Variants in PABIR3 observed in about 807,000 individuals in gnomAD.
PABIR3 encodes the protein PABIR family member 1.
A neutral mutation model predicts 23.1 loss-of-function variants in PABIR3; 20 were observed. That is an observed-to-expected ratio of 0.86 (90% CI 0.61 to 1.26). The LOEUF is 1.26. Among genes scored for constraint, PABIR3 ranks in the 50% most tolerant of loss-of-function variants. The pLI is 0.00. For missense variants in PABIR3, 189 were observed against 195.4 expected (o/e 0.97, Z 0.20); for synonymous variants, 69 against 68.5 (o/e 1.01, Z -0.04).
rs761765545 is a variant in PABIR3, at chrX:134,844,799, G to A, written c.247-406G>A. Among the ~76,000 whole-genome samples the A allele has an allele frequency of 3.6e-5, 4 of 112,208 alleles. No individual in the cohort carries two copies. The South Asian group carries it at 1.5e-3, about 41-fold the overall frequency. On this transcript the variant is annotated intron_variant, in intron 4 of 10. Coordinates refer to ENST00000645433, the MANE Select transcript of PABIR3 (RefSeq NM_001388447.1). ...CTGATAGACATTTAATTTGTTGTCT[G>A]TGTACTGTGAGTAATTTTTATTAAT... is the stretch of plus-strand genomic sequence containing the variant.
intron 3 of PABIR3, chrX:134,821,226 C>A: frequency 1.3e-6 from 1 of 749,116 alleles, no homozygotes; most frequent in African/African-American, 2.7e-5. Flanking sequence ...AATAAAGATG[C>A]GTATTTTCCA....
chrX:134,859,687 C>T (rs753638504), downstream of PABIR3, among the ~76,000 whole-genome samples: 1 of 112,165 alleles, frequency 8.9e-6, no homozygotes, highest in South Asian at 3.7e-4. Context: ...CACTAAAAAG[C>T]AGACTACCAG....
chrX:134,802,577 G>A (rs760167092), upstream of PABIR3, among the ~76,000 whole-genome samples: 4 of 112,414 alleles, frequency 3.6e-5, no homozygotes, highest in African/African-American at 1.3e-4. Context: ...CCTAATTTGG[G>A]AACGTCCAGA....
chrX:134,861,457 T>A, the PABIR3 span, among the ~76,000 whole-genome samples: 2 of 108,271 alleles, frequency 1.8e-5, no homozygotes, highest in Non-Finnish European at 3.8e-5. Flanking sequence ...ATTAGGTTGG[T>A]GCAAAAGTAG....
At chrX:134,830,867 A>G (rs970370763) in intron 4 of PABIR3, among the ~76,000 whole-genome samples, 1 of 111,352 alleles carries the variant, frequency 9.0e-6, no homozygotes, top group Admixed American at 9.7e-5. Flanking sequence ...GGTTAGGAAT[A>G]TAAGTTTAAT....
chrX:134,851,901 G>C (rs897271683), intron 9 of PABIR3, among the ~76,000 whole-genome samples: 4 of 111,530 alleles, frequency 3.6e-5, no homozygotes, highest in African/African-American at 1.3e-4. Flanking sequence ...GTTTTGCTCA[G>C]GTCCAGAAAT....
intron 3 of PABIR3, among the ~76,000 whole-genome samples, chrX:134,826,960 T>G (rs778232561): frequency 1.6e-4 from 18 of 111,056 alleles, no homozygotes; most frequent in Admixed American, 3.9e-4. Context: ...ATGTATGTAT[T>G]TATTTATTTA....
chrX:134,825,593 T>C (rs2081468074), intron 3 of PABIR3, among the ~76,000 whole-genome samples: 2 of 111,665 alleles, frequency 1.8e-5, no homozygotes, highest in Non-Finnish European at 3.8e-5. Flanking sequence ...CCTTAAGATA[T>C]CAACCCTGGA....
intron 7 of PABIR3, 137 bp from the exon 8 acceptor site, chrX:134,847,746 A>C: frequency 1.9e-6 from 1 of 514,337 alleles, no homozygotes; most frequent in East Asian, 3.6e-5. Context: ...AACAGTTCCC[A>C]CACTCAAAAC....
chrX:134,809,165 TC>T (rs1436392370), intron 2 of PABIR3: 1 of 156,272 alleles, frequency 6.4e-6, no homozygotes, highest in Non-Finnish European at 1.2e-5. Context: ...AAATCTTGTT[TC>T]CTTTTTTTTT....
chrX:134,841,931 G>A (rs1324446257), intron 4 of PABIR3, among the ~76,000 whole-genome samples: 2 of 111,990 alleles, frequency 1.8e-5, no homozygotes, highest in African/African-American at 6.5e-5. Context: ...AGGTTTCAGT[G>A]AGCTGAGATT....
At chrX:134,807,980 T>C (rs376912953) in intron 2 of PABIR3, 23 of 308,074 alleles carry the variant, frequency 7.5e-5, no homozygotes, top group African/African-American at 5.2e-4. Context: ...TAGCAGCCAG[T>C]TGGTGTGGAG....
chrX:134,802,018 G>A (rs1049784525), intron 1 of PABIR3, among the ~76,000 whole-genome samples: 2 of 107,534 alleles, frequency 1.9e-5, no homozygotes, highest in Non-Finnish European at 3.8e-5. Flanking sequence ...CTCTCTCGCC[G>A]CCCCCACCCC....
At position 134,809,879 on chromosome X, in the gene PABIR3, C is replaced by A. The variant is rs191339413; in HGVS notation, c.110+2171C>A. On this transcript the variant is annotated intron_variant, in intron 2 of 10. Transcript: ENST00000645433. ...GAGGTAGGAGAGAATATATTGTTCA[C>A]AAAATGAAAAGCAAACTAAGATTGA... The A allele has an allele frequency of 3.1e-3, 2,316 of 751,411 alleles. 44 individuals carry two copies. The African/African-American group carries it at 0.048, about 16-fold the overall frequency. The allele number at this position is 751,411 out of a possible 1,213,427, so 61.9% of individuals were successfully genotyped here. A position where few individuals can be genotyped will look rare whatever the true frequency, so the allele number is the denominator to read the frequency against.
intron 3 of PABIR3, among the ~76,000 whole-genome samples, chrX:134,816,891 G>A (rs895033477): frequency 1.8e-5 from 2 of 111,382 alleles, no homozygotes; most frequent in Admixed American, 9.5e-5. Flanking sequence ...AATATTGCTC[G>A]TGGCCAGGCG....
intron 2 of PABIR3, chrX:134,810,283 G>T: frequency 1.5e-5 from 11 of 754,055 alleles, no homozygotes; most frequent in Non-Finnish European, 1.7e-5. Context: ...TTCTGCAAAG[G>T]ATTTTTTTGT....
At chrX:134,810,452 C>T (rs1236175880) in intron 2 of PABIR3, 5 of 752,854 alleles carry the variant, frequency 6.6e-6, no homozygotes, top group African/African-American at 4.6e-5. Flanking sequence ...ACAAAGTGGA[C>T]GGAGTCCAGG....
At chrX:134,817,165 C>A (rs181530880) in intron 3 of PABIR3, among the ~76,000 whole-genome samples, 15 of 111,329 alleles carry the variant, frequency 1.3e-4, no homozygotes, top group African/African-American at 4.9e-4. Context: ...GTGAGACTTT[C>A]TCTCAAAACA....
chrX:134,806,761 C>A (rs750214408), upstream of PABIR3, among the ~76,000 whole-genome samples: 1 of 107,934 alleles, frequency 9.3e-6, no homozygotes, highest in East Asian at 2.9e-4. Context: ...GGCCTCTAAG[C>A]ACTTAGGTAG....
Sources: gnomAD v4.1 joint callset for allele counts (sites outside exome capture counted in the v4.1 genomes callset) on GRCh38, gnomAD v4.1.1 for gene constraint, MANE v1.5 for transcripts, NCBI Gene and HGNC (gene_info 2026-07-23, HGNC 2026-07-21) for gene names.